The following SDK1 variants were observed in gnomAD, a reference collection of about 807,000 sequenced individuals.
The protein encoded by SDK1 is protein sidekick-1.
SDK1 carries 157 observed loss-of-function variants against 245.5 expected under a neutral mutation model. That is an observed-to-expected ratio of 0.64 (90% CI 0.56 to 0.73). SDK1 has a LOEUF of 0.73. Among genes scored for constraint, SDK1 ranks in the 30% least tolerant of loss-of-function variants. The pLI is 0.00. For missense variants in SDK1, 3,583 were observed against 3,002.3 expected (o/e 1.19, Z -4.52); for synonymous variants, 1,647 against 1,278.5 (o/e 1.29, Z -6.15).
intron 17 of SDK1, among the ~76,000 whole-genome samples, chr7:4,037,542 G>C (rs535409223): frequency 1.3e-5 from 2 of 152,146 alleles, no homozygotes; most frequent in Non-Finnish European, 2.9e-5. Flanking sequence ...GCCTGAGCCT[G>C]GGAGGTTGAG....
chr7:3,477,565 A>G (rs567101103), intron 1 of SDK1, among the ~76,000 whole-genome samples: 1 of 149,326 alleles, frequency 6.7e-6, no homozygotes. Context: ...ACCAGGCTGG[A>G]GTGCAGTGGT....
At position 3,513,499 on chromosome 7, in the gene SDK1, C is replaced by A. The variant is rs574872232; in HGVS notation, c.299-105581C>A. ...GTGCAATAGAAGAAATCATATAAGA[C>A]ACAAAGAAGAATTAAGACTGATGTG... On this transcript the variant is annotated intron_variant, in intron 1 of 44. Transcript: ENST00000404826. Among the ~76,000 whole-genome samples the A allele has an allele frequency of 1.8e-4, 27 of 151,978 alleles. No homozygotes were observed. The South Asian group carries it at 5.4e-3, about 30-fold the overall frequency.
intron 1 of SDK1, among the ~76,000 whole-genome samples, chr7:3,582,816 T>G (rs1780551324): frequency 6.6e-6 from 1 of 152,018 alleles, no homozygotes; most frequent in Non-Finnish European, 1.5e-5. Context: ...TCTTCAGCCT[T>G]TAGTCTTCCC....
At chr7:3,653,859 G>A (rs1344200410) in intron 4 of SDK1, among the ~76,000 whole-genome samples, 1 of 152,144 alleles carries the variant, frequency 6.6e-6, no homozygotes, top group African/African-American at 2.4e-5. Flanking sequence ...TTGCACTTCA[G>A]CTTCACTTAT....
chr7:3,689,734 C>T lies in SDK1; in HGVS notation c.713+47629C>T, dbSNP rs993065847. Among the ~76,000 whole-genome samples the T allele has an allele frequency of 2.8e-4, 42 of 152,102 alleles. 1 individual carries two copies. The highest frequency in any genetic ancestry group is 1.3e-4 in the Non-Finnish European group (9 of 68,040). On this transcript the variant is annotated intron_variant, in intron 4 of 44. Coordinates refer to ENST00000404826, the MANE Select transcript of SDK1 (RefSeq NM_152744.4). ...GATGAAAAATATAAGGCTTTTGCTC[C>T]GTTCCTACTACAGAGGAAGCAAATA... is the stretch of plus-strand genomic sequence containing the variant.
rs1469714705 is a variant in SDK1, at chr7:4,268,482, A to G, written c.*3098A>G. 1.6e-5 allele frequency: 19 copies of G among 1,173,536 alleles called. 1 individual carries two copies. In the African/African-American group the frequency reaches 2.3e-4, roughly 14 times the overall value. 72.7% of individuals were successfully genotyped at this position (1,173,536 alleles called of 1,614,324 possible). Reference sequence around the variant, plus strand: ...GCGCACTTCACTCAATGCTGTAGCCAAAAAACGAGGGGCCCCAGGGAGAGG... The same window carrying G: ...GCGCACTTCACTCAATGCTGTAGCCGAAAAACGAGGGGCCCCAGGGAGAGG... On this transcript the variant is annotated 3_prime_UTR_variant, in exon 45 of 45. Transcript: ENST00000404826.
At chr7:3,623,936 A>G (rs1295221743) in intron 2 of SDK1, among the ~76,000 whole-genome samples, 1 of 152,212 alleles carries the variant, frequency 6.6e-6, no homozygotes, top group Non-Finnish European at 1.5e-5. Context: ...TTCCAGGGAA[A>G]ATAAGAATGG....
chr7:4,039,498 T>TA, intron 17 of SDK1, among the ~76,000 whole-genome samples: 1 of 152,180 alleles, frequency 6.6e-6, no homozygotes, highest in African/African-American at 2.4e-5. Context: ...CTCAAGAATG[T>TA]TTCAAAATAA....
chr7:3,336,310 C>A (rs1394667749), intron 1 of SDK1, among the ~76,000 whole-genome samples: 1 of 152,186 alleles, frequency 6.6e-6, no homozygotes, highest in African/African-American at 2.4e-5. Context: ...GGTGGTACTT[C>A]AATTCCCCTG....
At chr7:3,545,158 A>C (rs984706815) in intron 1 of SDK1, among the ~76,000 whole-genome samples, 1 of 152,194 alleles carries the variant, frequency 6.6e-6, no homozygotes, top group Non-Finnish European at 1.5e-5. Flanking sequence ...AGAGAGTTTT[A>C]ATTGACGCCT....
chr7:4,144,259 G>C (rs1257728768), intron 28 of SDK1, among the ~76,000 whole-genome samples: 1 of 152,178 alleles, frequency 6.6e-6, no homozygotes, highest in Non-Finnish European at 1.5e-5. Context: ...CCTGAGGCCA[G>C]CAGGGCCACA....
At chr7:4,089,950 C>G (rs1201073214) in intron 22 of SDK1, among the ~76,000 whole-genome samples, 1 of 152,160 alleles carries the variant, frequency 6.6e-6, no homozygotes, top group South Asian at 2.1e-4. Context: ...ACTTCTGTGA[C>G]CTTGACAATT....
intron 4 of SDK1, among the ~76,000 whole-genome samples, chr7:3,690,867 G>C (rs796423878): frequency 7.2e-5 from 11 of 152,188 alleles, no homozygotes; most frequent in African/African-American, 2.4e-4. Flanking sequence ...TTTCATAATA[G>C]ACAGTCTCAA....
intron 1 of SDK1, among the ~76,000 whole-genome samples, chr7:3,306,499 G>A (rs1779420622): frequency 6.6e-6 from 1 of 152,168 alleles, no homozygotes; most frequent in Non-Finnish European, 1.5e-5. Context: ...AACTAAAGGA[G>A]GTGGAGTTTG....
chr7:3,659,734 A>C (rs1368268390), intron 4 of SDK1, among the ~76,000 whole-genome samples: 1 of 152,218 alleles, frequency 6.6e-6, no homozygotes, highest in East Asian at 1.9e-4. Flanking sequence ...TAAGGGGCAG[A>C]AGGAGAAGCG....
chr7:3,460,012 A>T (rs1780785866), intron 1 of SDK1, among the ~76,000 whole-genome samples: 1 of 152,256 alleles, frequency 6.6e-6, no homozygotes, highest in Admixed American at 6.5e-5. Context: ...CAAACATTTT[A>T]AAATTAAGTG....
chr7:4,147,469 C>T (rs1423812029), intron 29 of SDK1, among the ~76,000 whole-genome samples: 2 of 151,940 alleles, frequency 1.3e-5, no homozygotes, highest in Non-Finnish European at 2.9e-5. Flanking sequence ...GGTCTTACTA[C>T]GTTGCCCAGG....
chr7:3,842,699 C>T (rs925426731), intron 5 of SDK1, among the ~76,000 whole-genome samples: 1 of 152,082 alleles, frequency 6.6e-6, no homozygotes, highest in African/African-American at 2.4e-5. Flanking sequence ...GACACCAGCA[C>T]CCTAGACCAG....
chr7:3,344,346 A>G (rs554658632), intron 1 of SDK1, among the ~76,000 whole-genome samples: 2 of 152,326 alleles, frequency 1.3e-5, no homozygotes, highest in Admixed American at 6.5e-5. Context: ...CTCCACAGCT[A>G]CTTTTATCTT....
Sources: gnomAD v4.1 joint callset for allele counts (sites outside exome capture counted in the v4.1 genomes callset) on GRCh38, gnomAD v4.1.1 for gene constraint, MANE v1.5 for transcripts, NCBI Gene and HGNC (gene_info 2026-07-23, HGNC 2026-07-21) for gene names.